ZYG11B: variants seen among roughly 807,000 people sequenced by gnomAD.
ZYG11B encodes zyg-11 family member B, cell cycle regulator, also known as protein zyg-11 homolog B.
Under a neutral mutation model 82.4 loss-of-function variants are expected in ZYG11B, and 36 were observed. The observed-to-expected ratio is 0.44, with a 90% CI of 0.33 to 0.58. ZYG11B has a LOEUF of 0.58. Ranked by LOEUF, ZYG11B falls within the 20% of genes least tolerant of loss-of-function variation. The pLI, the probability that ZYG11B is intolerant of heterozygous loss-of-function variation, is 0.02. For missense variants in ZYG11B, 552 were observed against 895.6 expected (o/e 0.62, Z 4.90); for synonymous variants, 303 against 312.8 (o/e 0.97, Z 0.33).
intron 1 of ZYG11B, among the ~76,000 whole-genome samples, chr1:52,736,453 CTTTTTTTTCTTTTTT>C (rs1172598544): frequency 2.7e-5 from 4 of 150,432 alleles, no homozygotes; most frequent in African/African-American, 9.8e-5. Context: ...TTTTCTTTTT[CTTTTTTTTCTTTTTT>C]TTGAGATGGA....
intron 4 of ZYG11B, among the ~76,000 whole-genome samples, chr1:52,780,734 A>G (rs1047541137): frequency 1.3e-5 from 2 of 152,216 alleles, no homozygotes. Context: ...CCTCCCAAGT[A>G]GCTAGGACTA....
intron 2 of ZYG11B, among the ~76,000 whole-genome samples, chr1:52,768,914 C>T (rs982609786): frequency 6.6e-6 from 1 of 152,180 alleles, no homozygotes; most frequent in African/African-American, 2.4e-5. Flanking sequence ...CTTTCTCTAT[C>T]TTTGAATTCT....
At chr1:52,790,614 G>A (rs963578857) in intron 6 of ZYG11B, among the ~76,000 whole-genome samples, 3 of 151,244 alleles carry the variant, frequency 2.0e-5, no homozygotes, top group Admixed American at 6.6e-5. Context: ...CCAGCTACTC[G>A]GGAGACTGAG....
chr1:52,798,879 C>T (rs1197270874), intron 8 of ZYG11B, among the ~76,000 whole-genome samples: 1 of 152,014 alleles, frequency 6.6e-6, no homozygotes, highest in Non-Finnish European at 1.5e-5. Context: ...AAAATCCTGG[C>T]ATGAGGTGTT....
At chr1:52,757,272 CA>C (rs1043771005) in intron 2 of ZYG11B, among the ~76,000 whole-genome samples, 1 of 152,046 alleles carries the variant, frequency 6.6e-6, no homozygotes, top group Non-Finnish European at 1.5e-5. Context: ...CTTGGCCTCC[CA>C]AAGCACTGGG....
intron 10 of ZYG11B, among the ~76,000 whole-genome samples, chr1:52,802,693 A>AAG (rs148334695): frequency 9.6e-4 from 145 of 150,366 alleles, no homozygotes; most frequent in Non-Finnish European, 1.5e-3. Context: ...CAAAAAAAGA[A>AAG]AGAGAGAGAG....
chr1:52,773,079 T>TA (rs1644769587), intron 3 of ZYG11B, among the ~76,000 whole-genome samples: 1 of 152,218 alleles, frequency 6.6e-6, no homozygotes, highest in African/African-American at 2.4e-5. Context: ...ATCTCTACTG[T>TA]AGAAATGGTA....
intron 10 of ZYG11B, among the ~76,000 whole-genome samples, chr1:52,807,150 C>T (rs59099144): frequency 0.037 from 5,640 of 151,786 alleles, 326 homozygotes; most frequent in African/African-American, 0.13. Flanking sequence ...TACAGACTCA[C>T]GTGAGCCACC....
intron 13 of ZYG11B, 58 bp downstream of exon 13, chr1:52,816,687 C>G (rs1020385725): frequency 4.1e-5 from 53 of 1,285,964 alleles, no homozygotes; most frequent in Non-Finnish European, 5.5e-5. Context: ...TCTCATTTCC[C>G]AGGAAAGATA....
chr1:52,826,987 A>G lies in ZYG11B; in HGVS notation c.*5358A>G, dbSNP rs1645330482. On this transcript the variant is annotated 3_prime_UTR_variant, in exon 14 of 14. Coordinates refer to ENST00000294353, the MANE Select transcript of ZYG11B (RefSeq NM_024646.3). The stretch of plus-strand genomic sequence containing the variant: ...TTTTCCTTAAAAACTTTATACTCTC[A>G]GATAATCTGCAACAACAAAAATTAA... 6.8e-6 allele frequency: 1 copy of G among 147,284 alleles called. No individual in the cohort carries two copies. Among genetic ancestry groups the G allele is most frequent in the Non-Finnish European group, 1.5e-5 (1 of 67,960 alleles). 9.1% of individuals were successfully genotyped at this position (147,284 alleles called of 1,614,324 possible).
intron 6 of ZYG11B, among the ~76,000 whole-genome samples, chr1:52,790,644 G>C (rs953365697): frequency 2.0e-5 from 3 of 147,410 alleles, no homozygotes; most frequent in African/African-American, 7.5e-5. Context: ...TCGTTTGAAC[G>C]GAGGCGGCGG....
At chr1:52,770,681 A>G (rs930985914) in intron 2 of ZYG11B, among the ~76,000 whole-genome samples, 2 of 152,206 alleles carry the variant, frequency 1.3e-5, no homozygotes, top group Non-Finnish European at 2.9e-5. Flanking sequence ...CATATAGTGC[A>G]TTGGCCAGAA....
chr1:52,783,985 C>CGTGT (rs143550867), intron 4 of ZYG11B, among the ~76,000 whole-genome samples: 4 of 146,156 alleles, frequency 2.7e-5, no homozygotes, highest in Admixed American at 6.9e-5. Context: ...CACACACACA[C>CGTGT]ATATATATAT....
intron 4 of ZYG11B, among the ~76,000 whole-genome samples, chr1:52,781,385 GCT>G (rs1276609188): frequency 6.6e-6 from 1 of 152,132 alleles, no homozygotes; most frequent in Non-Finnish European, 1.5e-5. Flanking sequence ...TGTAGTCCCA[GCT>G]ACATGGGACA....
At chr1:52,789,615 C>G (rs1644939181) in intron 5 of ZYG11B, among the ~76,000 whole-genome samples, 1 of 152,054 alleles carries the variant, frequency 6.6e-6, no homozygotes. Flanking sequence ...ACCGTGTACT[C>G]TATGTTAGAG....
At position 52,771,919 on chromosome 1, in the gene ZYG11B, A is replaced by C. The variant is rs2149938819; in HGVS notation, c.951+145A>C. The stretch of plus-strand genomic sequence containing the variant: ...GTTGAAAGGCTTAGAGTCCTAATTA[A>C]AATCTCAGCTTCATGACCCAGAACA... On this transcript the variant is annotated intron_variant, in intron 3 of 13. Coordinates refer to ENST00000294353, the MANE Select transcript of ZYG11B (RefSeq NM_024646.3). This position sits in a 1 kb window ranked among gnomAD's most constrained non-coding sequence, Gnocchi z 5.4. 1 of 1,008,816 alleles carries C rather than the reference A, an allele frequency of 9.9e-7. No individual in the cohort carries two copies. The highest frequency in any genetic ancestry group is 1.4e-6 in the Non-Finnish European group (1 of 698,078). The allele number at this position is 1,008,816 out of a possible 1,614,324, so 62.5% of individuals were successfully genotyped here. A position where few individuals can be genotyped will look rare whatever the true frequency, so the allele number is the denominator to read the frequency against.
chr1:52,757,732 A>G (rs1644591985), intron 2 of ZYG11B, among the ~76,000 whole-genome samples: 1 of 151,902 alleles, frequency 6.6e-6, no homozygotes, highest in African/African-American at 2.4e-5. Flanking sequence ...CAGTAGGAGG[A>G]TTATTACTGT....
Position 52,822,520 on chromosome 1 carries a change from T to G in ZYG11B, c.*891T>G, listed in dbSNP as rs954091513. ...AAAACTGGCTATTCTTTTCCTCTAT[T>G]TCAAAGTCATTTTTGTTCAGTGGAA... is the stretch of plus-strand genomic sequence containing the variant. On this transcript the variant is annotated 3_prime_UTR_variant, in exon 14 of 14. Transcript: ENST00000294353. 3.9e-5 allele frequency: 6 copies of G among 152,236 alleles called. No individual in the cohort carries two copies. The highest frequency in any genetic ancestry group is 1.4e-4 in the African/African-American group (6 of 41,452). 9.4% of individuals were successfully genotyped at this position (152,236 alleles called of 1,614,324 possible).
chr1:52,754,999 C>T (rs1258860869), intron 1 of ZYG11B, among the ~76,000 whole-genome samples: 1 of 144,800 alleles, frequency 6.9e-6, no homozygotes, highest in Non-Finnish European at 1.5e-5. Flanking sequence ...TGCTCTGTCG[C>T]CCAGGCTGTG....
Sources: allele counts gnomAD v4.1 joint callset (sites outside exome capture counted in the v4.1 genomes callset), GRCh38; gene constraint gnomAD v4.1.1; non-coding constraint Gnocchi (gnomAD v3.1); transcripts MANE v1.5; gene names NCBI Gene and HGNC (gene_info 2026-07-23, HGNC 2026-07-21).